Variants in ATXN7 observed in about 807,000 individuals in gnomAD.
The protein encoded by ATXN7 is ataxin 7, also known as ataxin-7.
In ATXN7, 12 loss-of-function variants were observed where a neutral mutation model predicts 70.5. The ratio of observed to expected loss-of-function variants is 0.17; its 90% CI spans 0.11 to 0.28. ATXN7 has a LOEUF of 0.28. Among genes scored for constraint, ATXN7 ranks in the 10% least tolerant of loss-of-function variants. The pLI is 1.00. For synonymous variants in ATXN7, 498 were observed against 448.7 expected (o/e 1.11, Z -1.39); for missense variants, 1,256 against 1,131.7 (o/e 1.11, Z -1.58).
chr3:63,946,209 C>G (rs1457281683), intron 4 of ATXN7, among the ~76,000 whole-genome samples: 1 of 152,230 alleles, frequency 6.6e-6, no homozygotes, highest in African/African-American at 2.4e-5. Flanking sequence ...GAGTGAAGGG[C>G]TGAAATGGCA....
At position 63,999,734 on chromosome 3, in the gene ATXN7, A is replaced by T. The variant is rs1576011770; in HGVS notation, c.*267A>T. On this transcript the variant is annotated 3_prime_UTR_variant, in exon 13 of 13. Coordinates refer to ENST00000674280, the MANE Select transcript of ATXN7 (RefSeq NM_001377405.1). ...GTTAAAGTGGTCTGAACTGCTTGCT[A>T]CCAATCTGTGAGAAGTTTTTGTTTT... 1.7e-6 allele frequency: 1 copy of T among 592,276 alleles called. No individual in the cohort carries two copies. Among genetic ancestry groups the T allele is most frequent in the East Asian group, 2.8e-5 (1 of 35,662 alleles). 36.7% of individuals were successfully genotyped at this position (592,276 alleles called of 1,614,324 possible).
intron 5 of ATXN7, among the ~76,000 whole-genome samples, chr3:63,979,618 G>A (rs531891592): frequency 3.3e-5 from 5 of 152,162 alleles, no homozygotes; most frequent in South Asian, 2.1e-4. Flanking sequence ...TTTTTAGCAC[G>A]CAAAACCCAA....
At chr3:63,913,315 C>T in intron 4 of ATXN7, 90 bp downstream of exon 4, 4 of 1,205,252 alleles carry the variant, frequency 3.3e-6, no homozygotes, top group Non-Finnish European at 4.8e-6. Flanking sequence ...GCCCACCATA[C>T]CGACTCCCCG....
At chr3:63,926,073 AATGTAC>A (rs1368483141) in intron 4 of ATXN7, among the ~76,000 whole-genome samples, 1 of 152,204 alleles carries the variant, frequency 6.6e-6, no homozygotes, top group Non-Finnish European at 1.5e-5. Context: ...GGAATTTTAA[AATGTAC>A]TTATACAATC....
In ATXN7 at chr3:63,961,735, T is replaced by TA. The variant is rs776434299; in HGVS notation, c.499+9254dup. Among the ~76,000 whole-genome samples, 246 of 152,108 alleles carry TA rather than the reference T, an allele frequency of 1.6e-3. 2 individuals carry two copies. The Middle Eastern group carries it at 0.021, about 13-fold the overall frequency. ...TTAAAAAGGCTTAATAAAAATTAAG[T>TA]AAGAAATTATTATTTAATATATATA... On this transcript the variant is annotated intron_variant, in intron 5 of 12. Coordinates refer to ENST00000674280, the MANE Select transcript of ATXN7 (RefSeq NM_001377405.1).
At chr3:63,929,172 C>A (rs1704835644) in intron 4 of ATXN7, among the ~76,000 whole-genome samples, 1 of 151,966 alleles carries the variant, frequency 6.6e-6, no homozygotes, top group Non-Finnish European at 1.5e-5. Flanking sequence ...ATGTCTACAT[C>A]TGAGAAGATA....
chr3:63,993,106 C>T (rs1394474827), intron 11 of ATXN7, among the ~76,000 whole-genome samples: 3 of 152,012 alleles, frequency 2.0e-5, no homozygotes, highest in Admixed American at 6.6e-5. Flanking sequence ...AGTCTCAGGC[C>T]AGTGGTGAAA....
chr3:63,873,039 C>T (rs546604915), intron 1 of ATXN7, among the ~76,000 whole-genome samples: 7 of 152,072 alleles, frequency 4.6e-5, no homozygotes, highest in East Asian at 3.9e-4. Flanking sequence ...TGGGAGGAAG[C>T]GTAGTTTTTA....
intron 4 of ATXN7, among the ~76,000 whole-genome samples, chr3:63,920,171 C>T (rs979506685): frequency 1.3e-5 from 2 of 152,116 alleles, no homozygotes; most frequent in African/African-American, 2.4e-5. Context: ...AATTTCTGAA[C>T]CCTCATGTTT....
At chr3:63,958,265 A>G (rs899525480) in intron 5 of ATXN7, among the ~76,000 whole-genome samples, 1 of 152,190 alleles carries the variant, frequency 6.6e-6, no homozygotes, top group Non-Finnish European at 1.5e-5. Flanking sequence ...TTTAGATGCT[A>G]TCATAAATTA....
intron 4 of ATXN7, among the ~76,000 whole-genome samples, chr3:63,930,776 C>T (rs998997903): frequency 1.8e-4 from 27 of 152,184 alleles, no homozygotes; most frequent in Admixed American, 2.0e-4. Flanking sequence ...ATGATCCGCC[C>T]GCCTTGGCCT....
chr3:63,897,323 C>A (rs1294292081), intron 1 of ATXN7, among the ~76,000 whole-genome samples: 1 of 152,116 alleles, frequency 6.6e-6, no homozygotes, highest in Non-Finnish European at 1.5e-5. Context: ...TGATTTTAAG[C>A]ATTACTGAAT....
At chr3:63,922,253 G>C (rs955824170) in intron 4 of ATXN7, among the ~76,000 whole-genome samples, 2 of 152,192 alleles carry the variant, frequency 1.3e-5, no homozygotes, top group African/African-American at 4.8e-5. Flanking sequence ...TGTTGCCCAG[G>C]CTGGTCTCAA....
At chr3:63,929,267 C>G (rs981180662) in intron 4 of ATXN7, among the ~76,000 whole-genome samples, 1 of 148,338 alleles carries the variant, frequency 6.7e-6, no homozygotes. Context: ...CTCTCTCTCT[C>G]TCTTTTTTTT....
chr3:63,994,793 C>T (rs774272477), intron 11 of ATXN7, among the ~76,000 whole-genome samples: 2 of 152,182 alleles, frequency 1.3e-5, no homozygotes, highest in Non-Finnish European at 2.9e-5. Flanking sequence ...AATTTTGTTA[C>T]TGTCACATTT....
intron 1 of ATXN7, among the ~76,000 whole-genome samples, 177 bp downstream of exon 1, chr3:63,864,335 G>T (rs1702335539): frequency 6.6e-6 from 1 of 151,942 alleles, no homozygotes; most frequent in Admixed American, 6.5e-5. Context: ...TGACGGGGAC[G>T]CCCGGATCCG....
intron 4 of ATXN7, among the ~76,000 whole-genome samples, chr3:63,919,935 G>C (rs1395250813): frequency 6.6e-6 from 1 of 151,768 alleles, no homozygotes; most frequent in East Asian, 1.9e-4. Flanking sequence ...AAGAGAAAGA[G>C]TCCAGAACTT....
Position 63,968,150 on chromosome 3 carries a change from A to G in ATXN7, c.500-11765A>G, listed in dbSNP as rs140089217. ...ATTTGTCTTGCCTTGCCAGCAGGCCAGGAGGGTTCTGCTGCTCAAGTAGTG... is the reference window on the plus strand; with the variant it reads ...ATTTGTCTTGCCTTGCCAGCAGGCCGGGAGGGTTCTGCTGCTCAAGTAGTG... On this transcript the variant is annotated intron_variant, in intron 5 of 12. Transcript: ENST00000674280. Among the ~76,000 whole-genome samples the G allele has an allele frequency of 4.1e-3, 630 of 152,194 alleles. 3 individuals carry two copies. Among genetic ancestry groups the G allele is most frequent in the African/African-American group, 0.015 (612 of 41,542 alleles).
chr3:63,889,279 A>G (rs1011015064), intron 1 of ATXN7, among the ~76,000 whole-genome samples: 6 of 152,222 alleles, frequency 3.9e-5, no homozygotes, highest in African/African-American at 1.2e-4. Flanking sequence ...AGAAGTCCCA[A>G]TGTTTATACC....
Sources: allele counts gnomAD v4.1 joint callset (sites outside exome capture counted in the v4.1 genomes callset), GRCh38; gene constraint gnomAD v4.1.1; transcripts MANE v1.5; gene names NCBI Gene and HGNC (gene_info 2026-07-23, HGNC 2026-07-21).